The following MYO16 variants were observed in gnomAD, a reference collection of about 807,000 sequenced individuals.
The protein encoded by MYO16 is myosin XVI.
In MYO16, 94 loss-of-function variants were observed where a neutral mutation model predicts 205.3. The observed-to-expected ratio is 0.46, with a 90% CI of 0.39 to 0.54. The LOEUF is 0.54. MYO16 is among the 20% of genes least tolerant of loss of function. The probability of loss-of-function intolerance (pLI) is 0.00; values close to 1 mark genes in which losing one functional copy is unlikely to be tolerated. For synonymous variants in MYO16, 988 were observed against 954.0 expected (o/e 1.04, Z -0.66); for missense variants, 2,315 against 2,387.5 (o/e 0.97, Z 0.63).
At chr13:108,742,766 T>C (rs1305446747) in intron 4 of MYO16, among the ~76,000 whole-genome samples, 1 of 152,216 alleles carries the variant, frequency 6.6e-6, no homozygotes, top group Non-Finnish European at 1.5e-5. Context: ...TTCTAAGATG[T>C]TGAATCAATG....
At chr13:108,881,060 C>T (rs1232296000) in intron 12 of MYO16, among the ~76,000 whole-genome samples, 1 of 152,176 alleles carries the variant, frequency 6.6e-6, no homozygotes, top group Non-Finnish European at 1.5e-5. Flanking sequence ...ACTGACACGT[C>T]ATACAGCCAG....
chr13:109,177,218 C>T (rs922842623), intron 33 of MYO16, among the ~76,000 whole-genome samples: 4 of 152,196 alleles, frequency 2.6e-5, no homozygotes, highest in Admixed American at 6.5e-5. Context: ...TTCTCCAAGA[C>T]CCTGTTCAAC....
chr13:108,778,901 G>T (rs1478828003), intron 4 of MYO16, among the ~76,000 whole-genome samples: 3 of 151,952 alleles, frequency 2.0e-5, no homozygotes, highest in Admixed American at 2.0e-4. Context: ...AAAGGACTTG[G>T]CCTTGGCTTA....
At chr13:108,970,106 C>T (rs1316581711) in intron 20 of MYO16, among the ~76,000 whole-genome samples, 2 of 152,166 alleles carry the variant, frequency 1.3e-5, no homozygotes, top group South Asian at 2.1e-4. Context: ...TCTGAAAGGG[C>T]AGCATTATGG....
chr13:108,707,059 T>A (rs1883536907), intron 2 of MYO16, among the ~76,000 whole-genome samples: 2 of 152,064 alleles, frequency 1.3e-5, no homozygotes, highest in Non-Finnish European at 2.9e-5. Flanking sequence ...ATCCTGTGAG[T>A]GCATGTGGAT....
intron 6 of MYO16, among the ~76,000 whole-genome samples, chr13:108,805,925 A>AAAATACATAAATAAAT (rs1555300625): frequency 2.2e-5 from 3 of 137,028 alleles, no homozygotes; most frequent in Non-Finnish European, 4.7e-5. Flanking sequence ...AGTCTCTACC[A>AAAATACATAAATAAAT]AAATAAATAA....
chr13:109,187,728 T>G (rs1333251374), intron 34 of MYO16, among the ~76,000 whole-genome samples: 5 of 152,232 alleles, frequency 3.3e-5, no homozygotes, highest in Admixed American at 2.0e-4. Context: ...CCTTGTATGA[T>G]TTCAGTTCTC....
At chr13:108,690,449 A>G (rs565678904) in intron 2 of MYO16, among the ~76,000 whole-genome samples, 2 of 60,628 alleles carry the variant, frequency 3.3e-5, no homozygotes, top group South Asian at 1.1e-3. Context: ...GAGCAGAAAC[A>G]TTGGGAACAA....
At chr13:108,828,618 G>GGGTA (rs1232186327) in intron 9 of MYO16, among the ~76,000 whole-genome samples, 5 of 152,118 alleles carry the variant, frequency 3.3e-5, no homozygotes, top group African/African-American at 1.2e-4. Context: ...AGATGACGCA[G>GGGTA]GGTAGGGGCC....
At chr13:109,184,484 A>G (rs1879592578) in intron 34 of MYO16, among the ~76,000 whole-genome samples, 1 of 152,228 alleles carries the variant, frequency 6.6e-6, no homozygotes, top group African/African-American at 2.4e-5. Context: ...ATGCAACATA[A>G]GTGTATATAA....
intron 7 of MYO16, among the ~76,000 whole-genome samples, chr13:108,809,838 C>T (rs1265179390): frequency 6.6e-6 from 1 of 152,230 alleles, no homozygotes; most frequent in Non-Finnish European, 1.5e-5. Context: ...ACCAGCCCCA[C>T]CACTCACTGA....
chr13:108,708,459 A>C (rs1368262822), intron 2 of MYO16, among the ~76,000 whole-genome samples: 1 of 152,208 alleles, frequency 6.6e-6, no homozygotes, highest in South Asian at 2.1e-4. Context: ...ATTTAGAAAT[A>C]AAATCAAACT....
At chr13:108,604,270 A>G (rs1878871939) in intron 1 of MYO16, among the ~76,000 whole-genome samples, 1 of 151,960 alleles carries the variant, frequency 6.6e-6, no homozygotes, top group Admixed American at 6.6e-5. Context: ...CAGTGCCTAT[A>G]TTGTGTATAA....
intron 10 of MYO16, among the ~76,000 whole-genome samples, chr13:108,852,272 C>T (rs1176054737): frequency 6.6e-6 from 1 of 152,144 alleles, no homozygotes; most frequent in Non-Finnish European, 1.5e-5. Context: ...CTTTTTTCCT[C>T]TTTGTGCTAA....
In MYO16 at chr13:109,111,956, G is replaced by T. The variant is rs1451763777; in HGVS notation, c.3439-8414G>T. On this transcript the variant is annotated intron_variant, in intron 28 of 34. Transcript: ENST00000457511. Reference sequence around the variant, plus strand: ...CCACCTCGGCCTCCCAAAGTGCTGGGATTACAGGCATGAGCCTCCATGCCC... The same window carrying T: ...CCACCTCGGCCTCCCAAAGTGCTGGTATTACAGGCATGAGCCTCCATGCCC... 2.0e-5 allele frequency among the ~76,000 whole-genome samples: 3 copies of T among 152,100 alleles called. No individual in the cohort carries two copies. In the East Asian group the frequency reaches 5.8e-4, roughly 29 times the overall value.
chr13:108,906,065 G>T (rs1390968828), intron 15 of MYO16, among the ~76,000 whole-genome samples: 1 of 152,090 alleles, frequency 6.6e-6, no homozygotes, highest in African/African-American at 2.4e-5. Context: ...TCTGTCCAAG[G>T]GGGATAACCA....
At chr13:109,117,234 C>T (rs1356712313) in intron 28 of MYO16, among the ~76,000 whole-genome samples, 1 of 151,952 alleles carries the variant, frequency 6.6e-6, no homozygotes, top group Non-Finnish European at 1.5e-5. Flanking sequence ...TCACTTTATG[C>T]AAGGGCTTCA....
chr13:109,161,832 T>C (rs1878401078), intron 32 of MYO16, among the ~76,000 whole-genome samples: 1 of 152,192 alleles, frequency 6.6e-6, no homozygotes, highest in South Asian at 2.1e-4. Context: ...CAGTGGCTCA[T>C]GTCTGAAATC....
At chr13:108,762,306 T>G (rs9521015) in intron 4 of MYO16, among the ~76,000 whole-genome samples, 1 of 152,016 alleles carries the variant, frequency 6.6e-6, no homozygotes. Flanking sequence ...AATAAACACA[T>G]GAGGGCAGGC....
Sources: allele counts gnomAD v4.1 joint callset (sites outside exome capture counted in the v4.1 genomes callset), GRCh38; gene constraint gnomAD v4.1.1; transcripts MANE v1.5; gene names NCBI Gene and HGNC (gene_info 2026-07-23, HGNC 2026-07-21).